Variants in KDM4C observed in about 807,000 individuals in gnomAD.
KDM4C encodes lysine-specific demethylase 4C.
A neutral mutation model predicts 129.3 loss-of-function variants in KDM4C; 81 were observed. The observed-to-expected ratio is 0.63, with a 90% confidence interval of 0.52 to 0.75. The LOEUF (loss-of-function observed/expected upper bound fraction) is 0.75. Among genes scored for constraint, KDM4C ranks in the 30% least tolerant of loss-of-function variants. KDM4C has a pLI of 0.00. For synonymous variants in KDM4C, 573 were observed against 456.1 expected (o/e 1.26, Z -3.26); for missense variants, 1,457 against 1,304.0 (o/e 1.12, Z -1.81).
chr9:6,972,930 C>T (rs1271471137), intron 8 of KDM4C, among the ~76,000 whole-genome samples: 5 of 152,124 alleles, frequency 3.3e-5, no homozygotes, highest in Non-Finnish European at 7.4e-5. Context: ...TTTTCTGATT[C>T]GAGTTTAATA....
chr9:7,107,772 GTA>G (rs1414759893), intron 18 of KDM4C, among the ~76,000 whole-genome samples: 1 of 152,204 alleles, frequency 6.6e-6, no homozygotes, highest in African/African-American at 2.4e-5. Context: ...AGAAAACGCT[GTA>G]TTGGTTAATT....
intron 17 of KDM4C, among the ~76,000 whole-genome samples, chr9:7,098,543 T>C (rs1836713721): frequency 6.6e-6 from 1 of 152,238 alleles, no homozygotes; most frequent in Non-Finnish European, 1.5e-5. Context: ...GGATTTGTTT[T>C]ATCGTATCAC....
At chr9:6,995,015 A>AG (rs36119900) in intron 12 of KDM4C, among the ~76,000 whole-genome samples, 36,591 of 150,826 alleles carry the variant, frequency 0.24, 5,676 homozygotes, top group East Asian at 0.59. Context: ...TAGCTTATTT[A>AG]GGCTATGGTG....
chr9:6,856,494 C>T (rs543694343), intron 5 of KDM4C, among the ~76,000 whole-genome samples: 15 of 151,106 alleles, frequency 9.9e-5, no homozygotes, highest in African/African-American at 3.4e-4. Flanking sequence ...ATAAAATTAA[C>T]CGCATAGGTT....
intron 17 of KDM4C, among the ~76,000 whole-genome samples, chr9:7,063,284 A>T (rs1831966281): frequency 6.6e-6 from 1 of 152,202 alleles, no homozygotes; most frequent in Non-Finnish European, 1.5e-5. Context: ...CTTGCGAGTG[A>T]ACATTTTTGC....
chr9:6,870,818 C>T (rs1419161963), intron 5 of KDM4C, among the ~76,000 whole-genome samples: 1 of 151,866 alleles, frequency 6.6e-6, no homozygotes, highest in African/African-American at 2.4e-5. Flanking sequence ...CTACTTCACA[C>T]GGCCTTAGTT....
chr9:7,013,965 A>C lies in KDM4C; in HGVS notation c.2146A>C (p.Ile716Leu). The C allele has an allele frequency of 6.2e-7, 1 of 1,613,938 alleles. No homozygotes were observed. The highest frequency in any genetic ancestry group is 8.5e-7 in the Non-Finnish European group (1 of 1,179,880). Residue 716 changes from isoleucine (I) to leucine (L), a missense_variant, in exon 14 of 22, where the codon ATT becomes CTT. By Grantham distance (5) the Ile-to-Leu change is conservative. Transcript: ENST00000381309. The stretch of plus-strand genomic sequence containing the variant: ...TGAAGAGGATGGAACAAGTCTCCTT[A>C]TTTCCTGTGCAAAGTGCTGCGTACG... Reference protein sequence around the residue: ...FLEEDGTSLLISCAKCCVRVH... With the variant: ...FLEEDGTSLLLSCAKCCVRVH...
rs140775343 is a variant in KDM4C, at chr9:6,777,805, A to C, written c.-17-15167A>C. ...TAAAATGGTTTGTAATTGGAAACTG[A>C]AATGGTTTCCAACTGCAAGCCATAA... On this transcript the variant is annotated intron_variant, in intron 1 of 21. Transcript: ENST00000381309. 2.1e-4 allele frequency among the ~76,000 whole-genome samples: 32 copies of C among 152,286 alleles called. No homozygotes were observed. The East Asian group carries it at 6.2e-3, about 29-fold the overall frequency.
intron 8 of KDM4C, among the ~76,000 whole-genome samples, chr9:6,949,766 G>C (rs747709291): frequency 7.9e-5 from 12 of 152,252 alleles, no homozygotes; most frequent in Admixed American, 6.5e-5. Context: ...CAGGCAGGGA[G>C]GTTGCAGTGA....
At chr9:6,726,053 A>G (rs1817118275) in intron 1 of KDM4C, among the ~76,000 whole-genome samples, 1 of 151,878 alleles carries the variant, frequency 6.6e-6, no homozygotes, top group Non-Finnish European at 1.5e-5. Context: ...CAGCCTCCCA[A>G]GTAGCTGGGA....
chr9:6,944,030 G>T (rs991601162), intron 8 of KDM4C, among the ~76,000 whole-genome samples: 1 of 152,112 alleles, frequency 6.6e-6, no homozygotes, highest in Non-Finnish European at 1.5e-5. Flanking sequence ...ATGTCATAAT[G>T]TATTCCTTCT....
chr9:6,809,046 TA>T (rs1269739331), intron 3 of KDM4C, among the ~76,000 whole-genome samples: 2 of 152,178 alleles, frequency 1.3e-5, no homozygotes, highest in Non-Finnish European at 2.9e-5. Context: ...TATCTTCCTT[TA>T]AAAAAATTAT....
At chr9:6,941,545 G>T (rs1317794398) in intron 8 of KDM4C, 1 of 152,206 alleles carries the variant, frequency 6.6e-6, no homozygotes, top group East Asian at 1.9e-4. Context: ...TACATTTCAG[G>T]GCCAATGATC....
In KDM4C at chr9:7,171,620, T is replaced by C. The variant is rs560778305; in HGVS notation, c.2994+1730T>C. Among the ~76,000 whole-genome samples, 200 of 152,308 alleles carry C rather than the reference T, an allele frequency of 1.3e-3. 1 individual carries two copies. The highest frequency in any genetic ancestry group is 4.5e-3 in the African/African-American group (186 of 41,578). ...ACTAAGCATCCTACCAGCTGAGTCTTGTAGATTTCAAATACTGTTTCTTAA... is the reference window on the plus strand; with the variant it reads ...ACTAAGCATCCTACCAGCTGAGTCTCGTAGATTTCAAATACTGTTTCTTAA... On this transcript the variant is annotated intron_variant, in intron 21 of 21. Transcript: ENST00000381309.
At chr9:7,026,797 C>G (rs972814227) in intron 15 of KDM4C, among the ~76,000 whole-genome samples, 1 of 151,898 alleles carries the variant, frequency 6.6e-6, no homozygotes, top group Admixed American at 6.6e-5. Flanking sequence ...CTTTTGTCTC[C>G]TCTCATTGTG....
intron 17 of KDM4C, among the ~76,000 whole-genome samples, chr9:7,073,181 A>T (rs151159098): frequency 6.6e-6 from 1 of 152,134 alleles, no homozygotes; most frequent in Admixed American, 6.5e-5. Context: ...GCATAGATCT[A>T]CCTCCATTTA....
intron 4 of KDM4C, among the ~76,000 whole-genome samples, chr9:6,830,014 C>T (rs1310205403): frequency 6.6e-6 from 1 of 152,120 alleles, no homozygotes; most frequent in Non-Finnish European, 1.5e-5. Context: ...TCTACAACTT[C>T]TCCTAGAATC....
At chr9:6,730,339 G>C (rs1817281116) in intron 1 of KDM4C, among the ~76,000 whole-genome samples, 1 of 152,170 alleles carries the variant, frequency 6.6e-6, no homozygotes, top group Non-Finnish European at 1.5e-5. Context: ...TGAGCGGCTG[G>C]GCGTGGTGGC....
At chr9:6,935,368 C>G (rs977686937) in intron 8 of KDM4C, among the ~76,000 whole-genome samples, 1 of 151,712 alleles carries the variant, frequency 6.6e-6, no homozygotes, top group Non-Finnish European at 1.5e-5. Context: ...TTTTTATATC[C>G]TGTTCACATA....
Sources: allele counts gnomAD v4.1 joint callset (sites outside exome capture counted in the v4.1 genomes callset), GRCh38; gene constraint gnomAD v4.1.1; transcripts MANE v1.5; gene names NCBI Gene and HGNC (gene_info 2026-07-23, HGNC 2026-07-21).